Variants in IRF2 observed in about 807,000 individuals in gnomAD.
IRF2 encodes the protein interferon regulatory factor 2.
Under a neutral mutation model 40.6 loss-of-function variants are expected in IRF2, and 15 were observed. That is an observed-to-expected ratio of 0.37 (90% CI 0.25 to 0.57). IRF2 has a LOEUF of 0.57. IRF2 is among the 20% of genes least tolerant of loss of function. The pLI, the probability that IRF2 is intolerant of heterozygous loss-of-function variation, is 0.77. For missense variants in IRF2, 317 were observed against 455.7 expected (o/e 0.70, Z 2.77); for synonymous variants, 151 against 165.5 (o/e 0.91, Z 0.67).
At chr4:184,443,713 CTT>C (rs1451820869) in intron 1 of IRF2, among the ~76,000 whole-genome samples, 1 of 152,112 alleles carries the variant, frequency 6.6e-6, no homozygotes, top group East Asian at 1.9e-4. Context: ...ATTTCTTTTC[CTT>C]TCAGTATATA....
intron 1 of IRF2, among the ~76,000 whole-genome samples, chr4:184,456,799 C>T (rs1409715742): frequency 6.6e-6 from 1 of 152,256 alleles, no homozygotes; most frequent in Non-Finnish European, 1.5e-5. Context: ...AGTCCTGTGG[C>T]TCGGCCCTCC....
rs537747703 is a variant in IRF2 at position 184,448,212 on chromosome 4, C to T, written c.-6-19142G>A. On this transcript the variant is annotated intron_variant, in intron 1 of 8. Coordinates refer to ENST00000393593, the MANE Select transcript of IRF2 (RefSeq NM_002199.4). This position sits in a 1 kb window ranked among gnomAD's most constrained non-coding sequence, Gnocchi z 4.3. ...ATTTCCAGTACAGAGGGAAAGACGACGACAGCCTTTCTGCAAATACAACAA... is the reference window on the plus strand; with the variant it reads ...ATTTCCAGTACAGAGGGAAAGACGATGACAGCCTTTCTGCAAATACAACAA... Among the ~76,000 whole-genome samples the T allele has an allele frequency of 2.6e-5, 4 of 152,308 alleles. No individual in the cohort carries two copies. The East Asian group carries it at 5.8e-4, about 22-fold the overall frequency.
intron 1 of IRF2, among the ~76,000 whole-genome samples, chr4:184,433,973 GATTA>G (rs201832010): frequency 0.025 from 3,744 of 152,296 alleles, 61 homozygotes; most frequent in Non-Finnish European, 0.035. Context: ...ACTATAAACA[GATTA>G]ATTATGTTTC....
At chr4:184,412,854 A>T (rs909217619) in intron 5 of IRF2, among the ~76,000 whole-genome samples, 1 of 152,174 alleles carries the variant, frequency 6.6e-6, no homozygotes, top group Non-Finnish European at 1.5e-5. Flanking sequence ...TAGAGAAGGC[A>T]TCAGTTTCCA....
At chr4:184,469,723 G>A (rs1739452241) in intron 1 of IRF2, among the ~76,000 whole-genome samples, 1 of 152,142 alleles carries the variant, frequency 6.6e-6, no homozygotes, top group Admixed American at 6.5e-5. Flanking sequence ...AACACAATTT[G>A]TTTCAGAGAC....
chr4:184,396,926 A>T lies in IRF2; in HGVS notation c.694+1989T>A, dbSNP rs1736487018. 2.0e-5 allele frequency among the ~76,000 whole-genome samples: 3 copies of T among 152,136 alleles called. No individual in the cohort carries two copies. In the South Asian group the frequency reaches 6.2e-4, roughly 32 times the overall value. On this transcript the variant is annotated intron_variant, in intron 7 of 8. Coordinates refer to ENST00000393593, the MANE Select transcript of IRF2 (RefSeq NM_002199.4). ...TAGACCAACCTGGGCAGCAAGGCAGAACCCTATTTCTATTAACAACAACAA... is the reference window on the plus strand; with the variant it reads ...TAGACCAACCTGGGCAGCAAGGCAGTACCCTATTTCTATTAACAACAACAA...
intron 5 of IRF2, among the ~76,000 whole-genome samples, chr4:184,410,917 A>G (rs1487589509): frequency 6.6e-6 from 1 of 152,182 alleles, no homozygotes; most frequent in African/African-American, 2.4e-5. Context: ...GCCTGCAGAG[A>G]CACCGGAACT....
intron 2 of IRF2, among the ~76,000 whole-genome samples, chr4:184,420,641 C>T (rs149422141): frequency 6.6e-6 from 1 of 152,304 alleles, no homozygotes; most frequent in Non-Finnish European, 1.5e-5. Context: ...CAAAGCCGTA[C>T]TCTTAGTAAA....
At chr4:184,430,370 G>A (rs1375670962) in intron 1 of IRF2, among the ~76,000 whole-genome samples, 1 of 124,426 alleles carries the variant, frequency 8.0e-6, no homozygotes, top group Non-Finnish European at 1.8e-5. Context: ...CCCACTGACT[G>A]CTGCAGACAC....
intron 1 of IRF2, among the ~76,000 whole-genome samples, chr4:184,432,423 A>G (rs1235218835): frequency 6.6e-6 from 1 of 152,216 alleles, no homozygotes; most frequent in African/African-American, 2.4e-5. Context: ...GCTGTTTAAA[A>G]TGGCCCCCAG....
chr4:184,389,778 C>T (rs1736187641), intron 8 of IRF2, among the ~76,000 whole-genome samples: 1 of 152,086 alleles, frequency 6.6e-6, no homozygotes, highest in Non-Finnish European at 1.5e-5. Flanking sequence ...GCGACTCGGT[C>T]CCTCAATGCT....
intron 6 of IRF2, among the ~76,000 whole-genome samples, chr4:184,401,332 T>C (rs532726858): frequency 6.6e-6 from 1 of 152,286 alleles, no homozygotes; most frequent in Non-Finnish European, 1.5e-5. Flanking sequence ...TGGCAATTCA[T>C]AGGTTCTTTA....
At chr4:184,393,859 T>A in intron 7 of IRF2, among the ~76,000 whole-genome samples, 1 of 152,120 alleles carries the variant, frequency 6.6e-6, no homozygotes, top group East Asian at 1.9e-4. Context: ...TGGCTCCAAG[T>A]GCTTTGTTGG....
intron 2 of IRF2, among the ~76,000 whole-genome samples, chr4:184,424,976 CAG>C (rs1293620802): frequency 2.0e-5 from 3 of 152,228 alleles, no homozygotes; most frequent in Non-Finnish European, 4.4e-5. Flanking sequence ...ACAATTTTGA[CAG>C]AGGGCCTCCC....
intron 7 of IRF2, among the ~76,000 whole-genome samples, chr4:184,396,198 A>G (rs1331784236): frequency 2.6e-5 from 4 of 152,214 alleles, no homozygotes; most frequent in African/African-American, 4.8e-5. Context: ...AGGCATAAAC[A>G]TTCTGCTCTG....
chr4:184,473,642 G>C (rs1348745711), intron 1 of IRF2, among the ~76,000 whole-genome samples: 1 of 147,802 alleles, frequency 6.8e-6, no homozygotes, highest in Non-Finnish European at 1.5e-5. Context: ...GCCCGGCTCC[G>C]AGCCCGCCCT....
intron 1 of IRF2, among the ~76,000 whole-genome samples, chr4:184,455,152 T>C (rs1431927134): frequency 1.3e-5 from 2 of 151,826 alleles, no homozygotes; most frequent in Non-Finnish European, 2.9e-5. Context: ...CCATAATTCA[T>C]CCCCATCCCA....
At position 184,413,231 on chromosome 4, in the gene IRF2, A is replaced by G. The variant is rs17686134; in HGVS notation, c.411+4936T>C. On this transcript the variant is annotated intron_variant, in intron 5 of 8. Coordinates refer to ENST00000393593, the MANE Select transcript of IRF2 (RefSeq NM_002199.4). The surrounding 1 kb of genome is among the most constrained non-coding windows in gnomAD (Gnocchi z 4.2). ...TCCCGGTGAGAAAGGCCTCCCTTACATATCAATTCCCGCCTGCTCTAAGTG... is the reference window on the plus strand; with the variant it reads ...TCCCGGTGAGAAAGGCCTCCCTTACGTATCAATTCCCGCCTGCTCTAAGTG... 0.088 allele frequency among the ~76,000 whole-genome samples: 13,321 copies of G among 152,108 alleles called. 812 individuals carry two copies. Among genetic ancestry groups the G allele is most frequent in the East Asian group, 0.24 (1,265 of 5,168 alleles).
intron 5 of IRF2, among the ~76,000 whole-genome samples, chr4:184,416,336 A>C (rs1327070622): frequency 1.3e-5 from 2 of 151,430 alleles, no homozygotes; most frequent in African/African-American, 2.4e-5. Context: ...AACAAAAAAA[A>C]AAAAAAACGA....
Sources: allele counts gnomAD v4.1 joint callset (sites outside exome capture counted in the v4.1 genomes callset), GRCh38; gene constraint gnomAD v4.1.1; non-coding constraint Gnocchi (gnomAD v3.1); transcripts MANE v1.5; gene names NCBI Gene and HGNC (gene_info 2026-07-23, HGNC 2026-07-21).